Variants in HERC1 observed in about 807,000 individuals in gnomAD.
The protein encoded by HERC1 is HECT and RLD domain containing E3 ubiquitin protein ligase family member 1.
Under a neutral mutation model 554.3 loss-of-function variants are expected in HERC1, and 160 were observed. The observed-to-expected ratio is 0.29, with a 90% CI of 0.25 to 0.33. HERC1 has a LOEUF of 0.33. Ranked by LOEUF, HERC1 falls within the 10% of genes least tolerant of loss-of-function variation. The pLI, the probability that HERC1 is intolerant of heterozygous loss-of-function variation, is 1.00. For missense variants in HERC1, 4,919 were observed against 5,918.5 expected, an observed-to-expected ratio of 0.83 and a Z score of 5.54; for synonymous variants, 2,175 against 2,131.7, an observed-to-expected ratio of 1.02 and a Z score of -0.56.
At chr15:63,622,396 C>T (rs994199945) in intron 74 of HERC1, among the ~76,000 whole-genome samples, 2 of 142,410 alleles carry the variant, frequency 1.4e-5, no homozygotes, top group Non-Finnish European at 3.0e-5. Flanking sequence ...GGCCTGATCT[C>T]GGCTCACTGC....
At position 63,643,441 on chromosome 15, in the gene HERC1, C is replaced by A; in HGVS notation, c.11294G>T (p.Gly3765Val). 6.2e-7 allele frequency: 1 copy of A among 1,613,488 alleles called. No individual in the cohort carries two copies. Among genetic ancestry groups the A allele is most frequent in the Non-Finnish European group, 8.5e-7 (1 of 1,179,662 alleles). ...FSSDGLALVS[G>V]GLGGLMNIWS... ...AATGTTCATGAGCCCACCTAGTCCA[C>A]CAGACACCAGGGCCAACCCATCAGA... is the stretch of plus-strand genomic sequence containing the variant. Residue 3765 changes from glycine (G) to valine (V), a missense_variant, in exon 58 of 78, where the codon GGT becomes GTT. By Grantham distance (109) the Gly-to-Val change is moderately radical. Around this residue, in one of 11 missense-constraint regions of HERC1, gnomAD observed 1,963 missense variants for 2,228.6 expected, o/e 0.88. Transcript: ENST00000443617.
intron 3 of HERC1, 32 bp downstream of exon 3, chr15:63,764,064 T>C (rs899665823): frequency 1.5e-6 from 2 of 1,358,784 alleles, no homozygotes; most frequent in Non-Finnish European, 2.1e-6. Context: ...TAACACAAAG[T>C]TGTTAATACA....
intron 3 of HERC1, among the ~76,000 whole-genome samples, chr15:63,759,294 A>G (rs2075531718): frequency 6.6e-6 from 1 of 152,212 alleles, no homozygotes; most frequent in Non-Finnish European, 1.5e-5. Context: ...AGCAATTAAC[A>G]TTCACACGTA....
intron 8 of HERC1, among the ~76,000 whole-genome samples, chr15:63,751,077 A>G (rs1175806072): frequency 6.6e-6 from 1 of 152,258 alleles, no homozygotes; most frequent in Non-Finnish European, 1.5e-5. Flanking sequence ...GAAATAATGT[A>G]TACTCAAAAT....
intron 66 of HERC1, 99 bp downstream of exon 66, chr15:63,634,634 T>C: frequency 1.1e-6 from 1 of 909,648 alleles, no homozygotes; most frequent in Non-Finnish European, 1.6e-6. Context: ...TGAGGTTAGG[T>C]ACAACTGGTG....
chr15:63,791,188 A>G (rs779696510), intron 1 of HERC1, among the ~76,000 whole-genome samples: 2 of 152,208 alleles, frequency 1.3e-5, no homozygotes, highest in Non-Finnish European at 2.9e-5. Context: ...AGACACTCTG[A>G]GATAGTTTTA....
intron 24 of HERC1, 22 bp downstream of exon 24, chr15:63,712,753 T>C (rs1333491208): frequency 1.9e-6 from 3 of 1,606,128 alleles, no homozygotes; most frequent in East Asian, 2.2e-5. Context: ...AATCTTTCTT[T>C]ACTGAATCTG....
At chr15:63,826,554 T>C (rs1022090456) in intron 1 of HERC1, among the ~76,000 whole-genome samples, 7 of 151,946 alleles carry the variant, frequency 4.6e-5, no homozygotes, top group Non-Finnish European at 8.8e-5. Context: ...ACAGGTACTA[T>C]GAATCAATGT....
At chr15:63,618,399 A>C (rs1023689696) in intron 74 of HERC1, among the ~76,000 whole-genome samples, 56 of 152,208 alleles carry the variant, frequency 3.7e-4, no homozygotes, top group Middle Eastern at 3.4e-3. Flanking sequence ...TGTTTTGGTT[A>C]CTGTAGCCTT....
chr15:63,693,345 G>A (rs1355855016), intron 30 of HERC1, among the ~76,000 whole-genome samples: 1 of 151,374 alleles, frequency 6.6e-6, no homozygotes, highest in Non-Finnish European at 1.5e-5. Context: ...CCGGGTTCAA[G>A]TGATTCTTGT....
At chr15:63,641,704 C>T in intron 59 of HERC1, 61 bp from the exon 60 acceptor site, 2 of 1,353,752 alleles carry the variant, frequency 1.5e-6, no homozygotes, top group South Asian at 1.6e-5. Context: ...AATGCTATCA[C>T]CATTTAATCT....
At chr15:63,644,967 G>C (rs1566967614) in intron 57 of HERC1, 25 bp downstream of exon 57, 1 of 1,516,574 alleles carries the variant, frequency 6.6e-7, no homozygotes, top group Non-Finnish European at 9.2e-7. Context: ...GTTTCAGACA[G>C]TCTTCAAAAA....
chr15:63,639,267 A>C (rs969273438), intron 61 of HERC1, among the ~76,000 whole-genome samples: 2 of 152,222 alleles, frequency 1.3e-5, no homozygotes, highest in Non-Finnish European at 2.9e-5. Flanking sequence ...TTAAGATTAT[A>C]AAACCTTATT....
intron 1 of HERC1, among the ~76,000 whole-genome samples, chr15:63,821,923 G>T (rs1471431777): frequency 3.3e-5 from 5 of 151,996 alleles, no homozygotes; most frequent in African/African-American, 1.2e-4. Context: ...TAACCAGGTA[G>T]GCAAGTAATT....
At chr15:63,744,144 GTGTGTGTGTGTGTGTGTGTGTCTC>G (rs1317175710) in intron 12 of HERC1, among the ~76,000 whole-genome samples, 19 of 41,844 alleles carry the variant, frequency 4.5e-4, no homozygotes, top group South Asian at 2.1e-3. Context: ...GTGTGTGTGT[GTGTGTGTGTGTGTGTGTGTGTCTC>G]TCTCTCTCTC....
intron 74 of HERC1, among the ~76,000 whole-genome samples, chr15:63,621,966 G>A (rs944276030): frequency 2.0e-5 from 3 of 151,850 alleles, no homozygotes; most frequent in African/African-American, 4.8e-5. Flanking sequence ...TAGTTTGATC[G>A]TCTGAAGCCT....
chr15:63,712,704 C>T lies in HERC1; in HGVS notation c.4584+71G>A, dbSNP rs540395501. On this transcript the variant is annotated intron_variant, in intron 24 of 77. Transcript: ENST00000443617. ...GTCTAAAACAAACATATTACTTACT[C>T]TAACCAAAGCCTTACATATCATATA... 2.1e-6 allele frequency: 3 copies of T among 1,416,824 alleles called. No individual in the cohort carries two copies. In the South Asian group the frequency reaches 4.0e-5, roughly 19 times the overall value. The allele number at this position is 1,416,824 out of a possible 1,614,324, so 87.8% of individuals were successfully genotyped here. A position where few individuals can be genotyped will look rare whatever the true frequency, so the allele number is the denominator to read the frequency against.
chr15:63,817,481 G>A (rs1185149713), intron 1 of HERC1, among the ~76,000 whole-genome samples: 7 of 152,166 alleles, frequency 4.6e-5, no homozygotes, highest in South Asian at 2.1e-4. Flanking sequence ...TTGGGTGGCC[G>A]AGGCAGGTGG....
chr15:63,621,271 A>T (rs1051981775), intron 74 of HERC1, among the ~76,000 whole-genome samples: 5 of 152,162 alleles, frequency 3.3e-5, no homozygotes, highest in Admixed American at 6.5e-5. Context: ...TTGGCTGGAT[A>T]TGAAATTCTG....
Sources: allele counts gnomAD v4.1 joint callset (sites outside exome capture counted in the v4.1 genomes callset), GRCh38; gene constraint gnomAD v4.1.1; regional missense constraint gnomAD v4.1.1; transcripts MANE v1.5; gene names NCBI Gene and HGNC (gene_info 2026-07-23, HGNC 2026-07-21).